Variants in CHRNG observed in about 807,000 individuals in gnomAD.
CHRNG encodes acetylcholine receptor subunit gamma.
CHRNG carries 72 observed loss-of-function variants against 65.2 expected under a neutral mutation model. The ratio of observed to expected loss-of-function variants is 1.10; its 90% CI spans 0.91 to 1.34. The LOEUF (loss-of-function observed/expected upper bound fraction) is 1.34, where lower values mean the gene tolerates loss of function less well. CHRNG is among the 40% of genes most tolerant of loss of function. CHRNG has a pLI of 0.00. For missense variants in CHRNG, 637 were observed against 680.1 expected (o/e 0.94, Z 0.70); for synonymous variants, 284 against 290.2 (o/e 0.98, Z 0.22).
intron 9 of CHRNG, 77 bp from the exon 10 acceptor site, chr2:232,544,290 A>G: frequency 9.0e-7 from 1 of 1,111,820 alleles, no homozygotes; most frequent in South Asian, 1.2e-5. Context: ...CCCTAGCAGC[A>G]CAAGCCCTTC....
chr2:232,540,437 C>A lies in CHRNG; in HGVS notation c.240+12C>A. 6.2e-7 allele frequency: 1 copy of A among 1,613,606 alleles called. No individual in the cohort carries two copies. The highest frequency in any genetic ancestry group is 8.5e-7 in the Non-Finnish European group (1 of 1,179,966). ...TCTGGATAGAGATGGTAAGAGGCCA[C>A]CCTGCCACCCTCCTTCCATCAGGGG... On this transcript the variant is annotated intron_variant, in intron 3 of 11. Coordinates refer to ENST00000651502, the MANE Select transcript of CHRNG (RefSeq NM_005199.5). The surrounding 1 kb of genome is among the most constrained non-coding windows in gnomAD (Gnocchi z 4.2).
At position 232,543,168 on chromosome 2, in the gene CHRNG, G is replaced by A. The variant is rs1692052906; in HGVS notation, c.805+86G>A. The A allele has an allele frequency of 3.9e-6, 6 of 1,529,376 alleles. No individual in the cohort carries two copies. The African/African-American group carries it at 5.5e-5, about 14-fold the overall frequency. 94.7% of individuals were successfully genotyped at this position (1,529,376 alleles called of 1,614,324 possible). On this transcript the variant is annotated intron_variant, in intron 7 of 11. Transcript: ENST00000651502. ...GTGGGCCCTGCCTGGGGAACAGAGTGGCATTACGACCCAGGACAGAGGCAG... is the reference window on the plus strand; with the variant it reads ...GTGGGCCCTGCCTGGGGAACAGAGTAGCATTACGACCCAGGACAGAGGCAG...
In CHRNG at chr2:232,543,349, A is replaced by G; in HGVS notation, c.880A>G (p.Lys294Glu). The G allele has an allele frequency of 6.2e-7, 1 of 1,614,082 alleles. No individual in the cohort carries two copies. The highest frequency in any genetic ancestry group is 8.5e-7 in the Non-Finnish European group (1 of 1,179,984). ...QTVFLFLVAK[K>E]VPETSQAVPL... ...TGTCTTCCTCTTCCTTGTGGCCAAGAAGGTGCCTGAAACCTCCCAGGCGGT... is the reference window on the plus strand; with the variant it reads ...TGTCTTCCTCTTCCTTGTGGCCAAGGAGGTGCCTGAAACCTCCCAGGCGGT... The change falls in exon 8 of 12, where the codon AAG becomes GAG. Residue 294 changes from lysine to glutamate, a missense_variant. Coordinates refer to ENST00000651502, the MANE Select transcript of CHRNG (RefSeq NM_005199.5).
chr2:232,543,482 C>G lies in CHRNG; in HGVS notation c.920+93C>G, dbSNP rs189055176. ...CATTGCCCTCTTGCCCTCCATCCACCCCCCCCATCCTCAATTCAGGAGGCC... is the reference window on the plus strand; with the variant it reads ...CATTGCCCTCTTGCCCTCCATCCACGCCCCCCATCCTCAATTCAGGAGGCC... On this transcript the variant is annotated intron_variant, in intron 8 of 11. Transcript: ENST00000651502. 7.8e-4 allele frequency: 901 copies of G among 1,159,954 alleles called. 2 individuals are homozygous for G. In the African/African-American group the frequency reaches 0.014, roughly 18 times the overall value. 71.9% of individuals were successfully genotyped at this position (1,159,954 alleles called of 1,614,324 possible).
chr2:232,542,828 A>C, intron 6 of CHRNG, 54 bp from the exon 7 acceptor site: 1 of 1,511,630 alleles, frequency 6.6e-7, no homozygotes, highest in Non-Finnish European at 9.1e-7. Context: ...GGCTGCAGGG[A>C]TCTGCCTAGC....
chr2:232,543,384 C>T lies in CHRNG; in HGVS notation c.915C>T (p.Ile305=), dbSNP rs763283891. ...VPETSQAVPL[I]SKYLTFLLVV... is the part of the protein sequence containing the mutation. ...AAACCTCCCAGGCGGTGCCACTCAT[C>T]AGCAAGTAAGGCTGGTCTTCATGTC... The change falls in exon 8 of 12, where the codon ATC becomes ATT. Residue 305 remains isoleucine, a synonymous_variant. Coordinates refer to ENST00000651502, the MANE Select transcript of CHRNG (RefSeq NM_005199.5). 1.2e-6 allele frequency: 2 copies of T among 1,610,876 alleles called. No individual in the cohort carries two copies. Among genetic ancestry groups the T allele is most frequent in the Non-Finnish European group, 1.7e-6 (2 of 1,177,064 alleles).
chr2:232,542,786 G>T, intron 6 of CHRNG, 96 bp from the exon 7 acceptor site: 1 of 1,114,670 alleles, frequency 9.0e-7, no homozygotes. Flanking sequence ...GTGCTCCTTA[G>T]GGCACATGCT....
chr2:232,540,029 A>C lies in CHRNG; in HGVS notation c.93A>C (p.Ala31=). ...GGAACCAGGAGGAGCGCCTGCTCGC[A>C]GACCTGATGCAAAACTACGACCCCA... ...QGRNQEERLL[A]DLMQNYDPNL... The change falls in exon 2 of 12, where the codon GCA becomes GCC. Residue 31 remains alanine, a synonymous_variant. Transcript: ENST00000651502. The surrounding 1 kb of genome is among the most constrained non-coding windows in gnomAD (Gnocchi z 4.2). 5 of 1,614,196 alleles carry C rather than the reference A, an allele frequency of 3.1e-6. No homozygotes were observed. The highest frequency in any genetic ancestry group is 4.2e-6 in the Non-Finnish European group (5 of 1,180,012).
chr2:232,539,927 C>A lies in CHRNG; in HGVS notation c.56-65C>A, dbSNP rs373043116. The A allele has an allele frequency of 1.3e-4, 203 of 1,612,324 alleles. 2 individuals carry two copies. In the African/African-American group the frequency reaches 2.1e-3, roughly 16 times the overall value. ...CAGTTCCCTGAGTCCCCACTTCACA[C>A]CCCCAGGGCCTCCCCGCTCTTTCCA... On this transcript the variant is annotated intron_variant, in intron 1 of 11. Transcript: ENST00000651502.
chr2:232,543,657 G>C lies in CHRNG; in HGVS notation c.993G>C (p.Leu331Phe). The C allele has an allele frequency of 1.2e-6, 2 of 1,613,808 alleles. No homozygotes were observed. The highest frequency in any genetic ancestry group is 8.5e-7 in the Non-Finnish European group (1 of 1,179,848). ...CTGTGGTTGTGCTCAATGTCTCCTT[G>C]CGGTCTCCACACACACACTCCATGG... is the stretch of plus-strand genomic sequence containing the variant. ...VNAVVVLNVS[L>F]RSPHTHSMAR... Residue 331 changes from leucine (L) to phenylalanine (F), a missense_variant, in exon 9 of 12, where the codon TTG becomes TTC. Coordinates refer to ENST00000651502, the MANE Select transcript of CHRNG (RefSeq NM_005199.5).
rs764180899 is a variant in CHRNG, at chr2:232,542,932, C to A, written c.655C>A (p.Pro219Thr). The change falls in exon 7 of 12, where the codon CCA (proline) becomes ACA (threonine). Residue 219 changes from proline (P) to threonine (T), a missense_variant. Transcript: ENST00000651502. ...CCGACCAGCCAAGATGCTCCTGGAC[C>A]CAGCGGCGCCAGCCCAGGAAGCAGG... ...QHRPAKMLLD[P>T]AAPAQEAGHQ... 1 of 1,614,194 alleles carries A rather than the reference C, an allele frequency of 6.2e-7. No homozygotes were observed. The highest frequency in any genetic ancestry group is 1.7e-5 in the Admixed American group (1 of 60,030).
At position 232,543,256 on chromosome 2, in the gene CHRNG, G is replaced by A. The variant is rs745739828; in HGVS notation, c.806-19G>A. 3.1e-6 allele frequency: 5 copies of A among 1,606,760 alleles called. No individual in the cohort carries two copies. In the South Asian group the frequency reaches 5.5e-5, roughly 18 times the overall value. On this transcript the variant is annotated intron_variant, in intron 7 of 11. Transcript: ENST00000651502. The stretch of plus-strand genomic sequence containing the variant: ...GGGGAGGTAGGAACCTGCTCTGAGA[G>A]CCTCTCGGTCATGGATAGCTGGGGG...
intron 9 of CHRNG, 147 bp from the exon 10 acceptor site, chr2:232,544,220 G>T: frequency 1.3e-6 from 1 of 742,202 alleles, no homozygotes; most frequent in Non-Finnish European, 2.4e-6. Context: ...CCAGGCTCGT[G>T]TCCAGTATAG....
chr2:232,542,552 C>A, intron 6 of CHRNG, 32 bp downstream of exon 6: 1 of 1,466,592 alleles, frequency 6.8e-7, no homozygotes, highest in Non-Finnish European at 9.6e-7. Flanking sequence ...CCCAGGCAGC[C>A]TCATCCAGGG....
chr2:232,542,796 T>G, intron 6 of CHRNG, 86 bp from the exon 7 acceptor site: 3 of 1,224,708 alleles, frequency 2.4e-6, no homozygotes, highest in Non-Finnish European at 3.5e-6. Flanking sequence ...GGGCACATGC[T>G]GCCCTTGCAG....
In CHRNG at chr2:232,546,749, GGTTAAACAA is replaced by G. The variant is rs1483489909; in HGVS notation, c.*1035_*1043del. Among the ~76,000 whole-genome samples the G allele has an allele frequency of 6.6e-6, 1 of 152,130 alleles. No homozygotes were observed. Among genetic ancestry groups the G allele is most frequent in the African/African-American group, 2.4e-5 (1 of 41,406 alleles). ...AAGCGGGACTCCACACAACAGTGGT[GGTTAAACAA>G]GGTTTGAAGTCCAGAATTCCTGACT... On this transcript the variant is annotated 3_prime_UTR_variant, in exon 12 of 12. Coordinates refer to ENST00000651502, the MANE Select transcript of CHRNG (RefSeq NM_005199.5).
In CHRNG at chr2:232,541,575, G is replaced by T. The variant is rs1237022583; in HGVS notation, c.506+46G>T. The stretch of plus-strand genomic sequence containing the variant: ...GGATTAAGAGAGCTGCTCTCAGAGG[G>T]GCCTGGGCAGTGGTGGGGTAAGGCC... On this transcript the variant is annotated intron_variant, in intron 5 of 11. Coordinates refer to ENST00000651502, the MANE Select transcript of CHRNG (RefSeq NM_005199.5). The surrounding 1 kb of genome is among the most constrained non-coding windows in gnomAD (Gnocchi z 4.0). 2.5e-6 allele frequency: 4 copies of T among 1,605,944 alleles called. No individual in the cohort carries two copies. The highest frequency in any genetic ancestry group is 2.2e-5 in the East Asian group (1 of 44,874).
chr2:232,540,811 G>A lies in CHRNG; in HGVS notation c.350+100G>A. Reference sequence around the variant, plus strand: ...GGGAAAAGAGAAAGATGAGCAGAGGGTGCAAATCGGGCACCTGTGGGGCTA... The same window carrying A: ...GGGAAAAGAGAAAGATGAGCAGAGGATGCAAATCGGGCACCTGTGGGGCTA... On this transcript the variant is annotated intron_variant, in intron 4 of 11. Transcript: ENST00000651502. This position sits in a 1 kb window ranked among gnomAD's most constrained non-coding sequence, Gnocchi z 4.2. The A allele has an allele frequency of 8.9e-7, 1 of 1,121,296 alleles. No individual in the cohort carries two copies. The allele number at this position is 1,121,296 out of a possible 1,614,324, so 69.5% of individuals were successfully genotyped here.
At chr2:232,544,173 G>A (rs1017040174) in intron 9 of CHRNG, among the ~76,000 whole-genome samples, 194 bp from the exon 10 acceptor site, 5 of 152,200 alleles carry the variant, frequency 3.3e-5, no homozygotes, top group African/African-American at 1.2e-4. Context: ...TATAACAAGT[G>A]CCCTGGTGAT....
Sources: gnomAD v4.1 joint callset for allele counts (sites outside exome capture counted in the v4.1 genomes callset) on GRCh38, gnomAD v4.1.1 for gene constraint, Gnocchi (gnomAD v3.1) non-coding constraint, MANE v1.5 for transcripts, NCBI Gene and HGNC (gene_info 2026-07-23, HGNC 2026-07-21) for gene names.